The following FRMPD2 variants were observed in gnomAD, a reference collection of about 807,000 sequenced individuals.
FRMPD2 encodes FERM and PDZ domain-containing protein 2.
FRMPD2 carries 96 observed loss-of-function variants against 140.1 expected under a neutral mutation model. The ratio of observed to expected loss-of-function variants is 0.69; its 90% confidence interval spans 0.58 to 0.81. FRMPD2 has a LOEUF of 0.81. Ranked by LOEUF, FRMPD2 falls within the 40% of genes least tolerant of loss-of-function variation. The pLI is 0.00. For missense variants in FRMPD2, 1,240 were observed against 1,447.4 expected, an observed-to-expected ratio of 0.86 and a Z score of 2.32; for synonymous variants, 449 against 547.6, an observed-to-expected ratio of 0.82 and a Z score of 2.52.
chr10:48,185,333 C>G (rs1056840752), intron 18 of FRMPD2, among the ~76,000 whole-genome samples: 1 of 152,046 alleles, frequency 6.6e-6, no homozygotes, highest in African/African-American at 2.4e-5. Context: ...CTGCATTGTA[C>G]TTAGATGCAC....
At chr10:48,249,336 G>A (rs1325312348) in intron 2 of FRMPD2, among the ~76,000 whole-genome samples, 158 bp from the exon 3 acceptor site, 1 of 152,188 alleles carries the variant, frequency 6.6e-6, no homozygotes, top group Admixed American at 6.5e-5. Flanking sequence ...CAACCCTGAT[G>A]CATGGGAACA....
chr10:48,213,600 TA>T (rs1297593804), intron 12 of FRMPD2, among the ~76,000 whole-genome samples: 4 of 151,936 alleles, frequency 2.6e-5, no homozygotes, highest in African/African-American at 9.7e-5. Flanking sequence ...GGTGAATGGA[TA>T]AATAAACTGT....
At chr10:48,192,992 C>T in intron 15 of FRMPD2, 98 bp from the exon 16 acceptor site, 1 of 874,980 alleles carries the variant, frequency 1.1e-6, no homozygotes, top group Admixed American at 1.9e-5. Context: ...CCCCCGCTCT[C>T]CTCCTCCTTT....
At chr10:48,270,081 C>T (rs1436983003) in intron 1 of FRMPD2, among the ~76,000 whole-genome samples, 2 of 152,076 alleles carry the variant, frequency 1.3e-5, no homozygotes, top group Non-Finnish European at 2.9e-5. Context: ...ATCTTATGGG[C>T]CCAACAGCAG....
At chr10:48,220,288 C>T (rs1269353925) in intron 12 of FRMPD2, among the ~76,000 whole-genome samples, 1 of 152,084 alleles carries the variant, frequency 6.6e-6, no homozygotes, top group Non-Finnish European at 1.5e-5. Flanking sequence ...AAGCCAAATA[C>T]TTACAATCAA....
intron 13 of FRMPD2, among the ~76,000 whole-genome samples, chr10:48,211,139 C>A (rs1839312623): frequency 6.6e-6 from 1 of 152,234 alleles, no homozygotes; most frequent in South Asian, 2.1e-4. Context: ...ATGGGGCTTC[C>A]TGGGGACAAA....
At chr10:48,262,608 GTAGT>G (rs1474509524) in intron 1 of FRMPD2, among the ~76,000 whole-genome samples, 1 of 152,076 alleles carries the variant, frequency 6.6e-6, no homozygotes, top group Non-Finnish European at 1.5e-5. Flanking sequence ...CAGTAAAGAC[GTAGT>G]TAAACTAGAC....
intron 12 of FRMPD2, among the ~76,000 whole-genome samples, chr10:48,217,657 A>G (rs1434307820): frequency 2.6e-5 from 4 of 152,226 alleles, no homozygotes; most frequent in African/African-American, 9.6e-5. Flanking sequence ...TTCTATATAC[A>G]TGTGTAGGTG....
At chr10:48,216,800 C>G (rs1276700937) in intron 12 of FRMPD2, among the ~76,000 whole-genome samples, 1 of 152,164 alleles carries the variant, frequency 6.6e-6, no homozygotes, top group Non-Finnish European at 1.5e-5. Context: ...AGCTACTGAA[C>G]CAGAGGCCAC....
At chr10:48,190,612 G>T (rs369458415) in intron 16 of FRMPD2, among the ~76,000 whole-genome samples, 11 of 152,224 alleles carry the variant, frequency 7.2e-5, no homozygotes, top group African/African-American at 2.7e-4. Flanking sequence ...GAGGTGGGGT[G>T]AGGGGAATCT....
At chr10:48,185,909 C>A (rs1320444906) in intron 17 of FRMPD2, among the ~76,000 whole-genome samples, 1 of 152,220 alleles carries the variant, frequency 6.6e-6, no homozygotes, top group East Asian at 1.9e-4. Context: ...ACAGGATGGG[C>A]TATGGTGCTT....
At chr10:48,183,102 G>A (rs1838591508) in intron 20 of FRMPD2, among the ~76,000 whole-genome samples, 1 of 152,204 alleles carries the variant, frequency 6.6e-6, no homozygotes, top group Non-Finnish European at 1.5e-5. Flanking sequence ...CTGTGTACAG[G>A]TACAAGAGTG....
chr10:48,274,874 T>A (rs1194537304), upstream of FRMPD2: 8 of 407,902 alleles, frequency 2.0e-5, no homozygotes, highest in Non-Finnish European at 3.5e-5. Context: ...AGAGCTCAAG[T>A]GGATTAGGTG....
chr10:48,184,645 C>T lies in FRMPD2; in HGVS notation c.2505G>A (p.Glu835=). 1 of 1,613,676 alleles carries T rather than the reference C, an allele frequency of 6.2e-7. No individual in the cohort carries two copies. The highest frequency in any genetic ancestry group is 8.5e-7 in the Non-Finnish European group (1 of 1,179,582). ...QILALNHISL[E]GFTFNMAVRM... ...TAACAGCCATGTTGAATGTGAAGCC[C>T]TCCAGACTGATGTGATTCAGGGCTA... Residue 835 remains glutamate (E), a synonymous_variant, in exon 20 of 29, where the codon GAG becomes GAA. Coordinates refer to ENST00000374201, the MANE Select transcript of FRMPD2 (RefSeq NM_001018071.4).
chr10:48,255,485 T>C (rs974147908), intron 1 of FRMPD2, among the ~76,000 whole-genome samples: 5 of 152,132 alleles, frequency 3.3e-5, no homozygotes, highest in African/African-American at 9.7e-5. Flanking sequence ...CCCTCAGCCA[T>C]TACCACATTT....
At chr10:48,204,907 C>T (rs1564424595) in intron 14 of FRMPD2, among the ~76,000 whole-genome samples, 1 of 152,182 alleles carries the variant, frequency 6.6e-6, no homozygotes, top group South Asian at 2.1e-4. Flanking sequence ...CACACATGGA[C>T]GCCAACACAT....
intron 3 of FRMPD2, among the ~76,000 whole-genome samples, chr10:48,246,333 T>TCCA (rs1297281647): frequency 7.2e-5 from 11 of 152,242 alleles, no homozygotes; most frequent in African/African-American, 2.4e-4. Flanking sequence ...GGAGCTCACC[T>TCCA]GGATTCTAAG....
chr10:48,175,127 C>T (rs1266090718), intron 23 of FRMPD2, 172 bp from the exon 24 acceptor site: 3 of 483,126 alleles, frequency 6.2e-6, no homozygotes, highest in Non-Finnish European at 1.0e-5. Context: ...TCTGAGCAGT[C>T]TCACTCCCTT....
chr10:48,273,090 T>C (rs1840796890), intron 1 of FRMPD2, among the ~76,000 whole-genome samples: 1 of 152,130 alleles, frequency 6.6e-6, no homozygotes, highest in Non-Finnish European at 1.5e-5. Flanking sequence ...ATCCTTCATA[T>C]CAGTAAAATT....
Sources: allele counts gnomAD v4.1 joint callset (sites outside exome capture counted in the v4.1 genomes callset), GRCh38; gene constraint gnomAD v4.1.1; transcripts MANE v1.5; gene names NCBI Gene and HGNC (gene_info 2026-07-23, HGNC 2026-07-21).